Variants in ETS1 observed in about 807,000 individuals in gnomAD.
The protein encoded by ETS1 is protein C-ets-1.
Under a neutral mutation model 58.6 loss-of-function variants are expected in ETS1, and 15 were observed. The ratio of observed to expected loss-of-function variants is 0.26; its 90% CI spans 0.17 to 0.39. The LOEUF (loss-of-function observed/expected upper bound fraction) is 0.39, where lower values mean the gene tolerates loss of function less well. ETS1 is among the 10% of genes least tolerant of loss of function. The probability of loss-of-function intolerance (pLI) is 1.00; values close to 1 mark genes in which losing one functional copy is unlikely to be tolerated. For missense variants in ETS1, 417 were observed against 610.5 expected (o/e 0.68, Z 3.34); for synonymous variants, 214 against 218.2 (o/e 0.98, Z 0.17).
intron 3 of ETS1, among the ~76,000 whole-genome samples, chr11:128,543,075 C>A (rs1864079580): frequency 6.6e-6 from 1 of 151,946 alleles, no homozygotes; most frequent in East Asian, 1.9e-4. Context: ...CTCGGGTAAT[C>A]CCAGCTACTC....
rs755518877 is a variant in ETS1 at position 128,556,310 on chromosome 11, A to C, written c.195T>G (p.Gly65=). ...DEMATQEVPT[G]LEHCVSDMEC... ...TCCTACCTGAGACACAGTGTTCAAG[A>C]CCAGTAGGAACTTCCTGAGTTGCCA... Residue 65 remains glycine (G), a synonymous_variant, in exon 3 of 10, where the codon GGT becomes GGG. Coordinates refer to ENST00000392668, the MANE Select transcript of ETS1 (RefSeq NM_001143820.2). 1 of 1,612,856 alleles carries C rather than the reference A, an allele frequency of 6.2e-7. No homozygotes were observed. The highest frequency in any genetic ancestry group is 1.7e-5 in the Admixed American group (1 of 59,780).
At chr11:128,506,976 T>C (rs952135601) in intron 3 of ETS1, among the ~76,000 whole-genome samples, 2 of 151,982 alleles carry the variant, frequency 1.3e-5, no homozygotes, top group East Asian at 3.9e-4. Flanking sequence ...GGGGAAGAAG[T>C]CTCCATCAGA....
intron 5 of ETS1, 102 bp downstream of exon 5, chr11:128,489,188 C>G (rs1427069435): frequency 3.2e-6 from 3 of 948,322 alleles, no homozygotes; most frequent in Non-Finnish European, 5.1e-6. Context: ...AGTAGGACAC[C>G]CACAGATAAA....
intron 8 of ETS1, among the ~76,000 whole-genome samples, chr11:128,471,100 G>C (rs917942858): frequency 6.6e-6 from 1 of 152,170 alleles, no homozygotes; most frequent in African/African-American, 2.4e-5. Flanking sequence ...AGCTCACCTA[G>C]AGCAAGTTCA....
At chr11:128,576,938 G>T (rs1864763354) in intron 1 of ETS1, among the ~76,000 whole-genome samples, 1 of 152,120 alleles carries the variant, frequency 6.6e-6, no homozygotes, top group Admixed American at 6.6e-5. Context: ...CCCAGCCAGG[G>T]TTAGCGGCTC....
At position 128,463,010 on chromosome 11, in the gene ETS1, T is replaced by C. The variant is rs968236806; in HGVS notation, c.1243-434A>G. On this transcript the variant is annotated intron_variant, in intron 9 of 9. Transcript: ENST00000392668. This position sits in a 1 kb window ranked among gnomAD's most constrained non-coding sequence, Gnocchi z 4.1. ...ATCAACAGGAAGTGTTTTTTTTCCATACCAGGGCACAAATATTTTCTCATG... is the reference window on the plus strand; with the variant it reads ...ATCAACAGGAAGTGTTTTTTTTCCACACCAGGGCACAAATATTTTCTCATG... Among the ~76,000 whole-genome samples, 3 of 152,228 alleles carry C rather than the reference T, an allele frequency of 2.0e-5. No individual in the cohort carries two copies. Among genetic ancestry groups the C allele is most frequent in the African/African-American group, 7.2e-5 (3 of 41,452 alleles).
chr11:128,462,998 G>GT (rs1368347185), intron 9 of ETS1, among the ~76,000 whole-genome samples: 9 of 152,190 alleles, frequency 5.9e-5, no homozygotes, highest in African/African-American at 1.2e-4. Context: ...AACAGGAAGT[G>GT]TTTTTTTTCC....
intron 2 of ETS1, among the ~76,000 whole-genome samples, chr11:128,565,071 T>G (rs1484215694): frequency 3.4e-5 from 2 of 58,522 alleles, no homozygotes; most frequent in East Asian, 1.3e-3. Flanking sequence ...ATAAATGTGT[T>G]TGTAAGGAGT....
chr11:128,525,173 T>C (rs943218877), intron 3 of ETS1, among the ~76,000 whole-genome samples: 2 of 152,034 alleles, frequency 1.3e-5, no homozygotes, highest in East Asian at 1.9e-4. Context: ...AAGTGCTGAA[T>C]TGCCTTACAC....
chr11:128,503,499 A>G (rs894886469), intron 3 of ETS1, among the ~76,000 whole-genome samples: 20 of 152,354 alleles, frequency 1.3e-4, no homozygotes, highest in African/African-American at 4.1e-4. Flanking sequence ...GCACAAGCCC[A>G]TAACAAGCAA....
At chr11:128,559,948 T>C (rs544423931) in intron 2 of ETS1, among the ~76,000 whole-genome samples, 239 of 152,306 alleles carry the variant, frequency 1.6e-3, no homozygotes, top group African/African-American at 5.5e-3. Context: ...CAACTGGAGA[T>C]GAGTCAACAA....
chr11:128,528,530 T>C (rs1416654502), intron 3 of ETS1, among the ~76,000 whole-genome samples: 5 of 152,174 alleles, frequency 3.3e-5, no homozygotes, highest in Non-Finnish European at 7.4e-5. Context: ...TGAATATGCG[T>C]GTCAGTCTCC....
intron 8 of ETS1, among the ~76,000 whole-genome samples, chr11:128,472,448 G>C (rs934401087): frequency 1.3e-5 from 2 of 152,314 alleles, no homozygotes; most frequent in Admixed American, 1.3e-4. Flanking sequence ...ACGGACTACT[G>C]AGAGTGTCGG....
chr11:128,481,792 T>C (rs911338137), intron 7 of ETS1, among the ~76,000 whole-genome samples: 2 of 152,198 alleles, frequency 1.3e-5, no homozygotes, highest in African/African-American at 4.8e-5. Context: ...TGCCCAAACC[T>C]AAATTAAATA....
chr11:128,476,510 AT>A (rs1421134196), intron 8 of ETS1, among the ~76,000 whole-genome samples: 10 of 152,306 alleles, frequency 6.6e-5, no homozygotes, highest in East Asian at 5.8e-4. Flanking sequence ...TGAATAAGTC[AT>A]TTTTTTGTGC....
chr11:128,499,351 A>G (rs914598894), intron 3 of ETS1, among the ~76,000 whole-genome samples: 7 of 152,196 alleles, frequency 4.6e-5, no homozygotes, highest in Admixed American at 3.9e-4. Flanking sequence ...CATTCCTGCT[A>G]TTTGACTAGA....
At chr11:128,480,512 A>T in intron 7 of ETS1, 61 bp from the exon 8 acceptor site, 1 of 1,188,060 alleles carries the variant, frequency 8.4e-7, no homozygotes, top group Non-Finnish European at 1.2e-6. Flanking sequence ...AAAAAAAAAA[A>T]ACTGTAAAAA....
chr11:128,550,409 T>C (rs145412347), intron 3 of ETS1, among the ~76,000 whole-genome samples: 149 of 152,286 alleles, frequency 9.8e-4, no homozygotes, highest in African/African-American at 3.5e-3. Context: ...CCTCCACTTA[T>C]GGAGAATAGG....
At chr11:128,550,662 C>T (rs1258918948) in intron 3 of ETS1, among the ~76,000 whole-genome samples, 1 of 152,182 alleles carries the variant, frequency 6.6e-6, no homozygotes, top group African/African-American at 2.4e-5. Flanking sequence ...GCCCCAACCT[C>T]GGCCTTCTGT....
Sources: gnomAD v4.1 joint callset for allele counts (sites outside exome capture counted in the v4.1 genomes callset) on GRCh38, gnomAD v4.1.1 for gene constraint, Gnocchi (gnomAD v3.1) non-coding constraint, MANE v1.5 for transcripts, NCBI Gene and HGNC (gene_info 2026-07-23, HGNC 2026-07-21) for gene names.